SEMA6D: variants seen among roughly 807,000 people sequenced by gnomAD.
SEMA6D encodes the protein semaphorin-6D.
A neutral mutation model predicts 106.6 loss-of-function variants in SEMA6D; 35 were observed. The ratio of observed to expected loss-of-function variants is 0.33; its 90% CI spans 0.25 to 0.44. The LOEUF (loss-of-function observed/expected upper bound fraction) is 0.44, where lower values mean the gene tolerates loss of function less well. Ranked by LOEUF, SEMA6D falls within the 20% of genes least tolerant of loss-of-function variation. The probability of loss-of-function intolerance (pLI) is 1.00; values close to 1 mark genes in which losing one functional copy is unlikely to be tolerated. For synonymous variants in SEMA6D, 499 were observed against 487.7 expected (o/e 1.02, Z -0.31); for missense variants, 1,185 against 1,345.9 (o/e 0.88, Z 1.87).
At chr15:47,742,106 G>A (rs2080855904) in intron 1 of SEMA6D, among the ~76,000 whole-genome samples, 1 of 152,202 alleles carries the variant, frequency 6.6e-6, no homozygotes, top group South Asian at 2.1e-4. Context: ...CACTCGCAGA[G>A]GAACTGCAGC....
chr15:47,668,841 C>T (rs1350107593), intron 4 of SEMA6D, among the ~76,000 whole-genome samples: 1 of 152,154 alleles, frequency 6.6e-6, no homozygotes, highest in Non-Finnish European at 1.5e-5. Flanking sequence ...TGCGGCAGTA[C>T]CCATCTTCCA....
chr15:47,720,829 C>CTGAAATAGGGTCATTTTTCACCCTTT, intron 1 of SEMA6D, among the ~76,000 whole-genome samples: 1 of 152,282 alleles, frequency 6.6e-6, no homozygotes, highest in East Asian at 1.9e-4. Flanking sequence ...AAAAATGCAT[C>CTGAAATAGGGTCATTTTTCACCCTTT]TGAAATAGGG....
At chr15:47,355,896 T>C (rs1003926158) in intron 1 of SEMA6D, among the ~76,000 whole-genome samples, 1 of 152,212 alleles carries the variant, frequency 6.6e-6, no homozygotes, top group African/African-American at 2.4e-5. Flanking sequence ...TTTGTTGTTT[T>C]AAATTGCTCT....
chr15:47,399,612 A>G (rs2040331022), intron 1 of SEMA6D: 1 of 152,226 alleles, frequency 6.6e-6, no homozygotes, highest in Non-Finnish European at 1.5e-5. Flanking sequence ...TGCCATTGTC[A>G]GCCGAGAGGA....
At chr15:47,743,139 C>A (rs1258716061) in intron 1 of SEMA6D, among the ~76,000 whole-genome samples, 2 of 152,220 alleles carry the variant, frequency 1.3e-5, no homozygotes, top group African/African-American at 4.8e-5. Context: ...CTGCTAAGTC[C>A]TATATGTCCT....
chr15:47,760,379 T>C lies in SEMA6D; in HGVS notation c.185T>C (p.Met62Thr). The change falls in exon 3 of 19, where the codon ATG becomes ACG. Residue 62 changes from methionine (M) to threonine (T), a missense_variant. Around this residue, in one of 3 missense-constraint regions of SEMA6D, gnomAD observed 144 missense variants for 138.6 expected, o/e 1.04. Coordinates refer to ENST00000536845, the MANE Select transcript of SEMA6D (RefSeq NM_001358351.3). Reference protein sequence around the residue: ...ESQHRLDFQLMLKIRDTLYIA... With the variant: ...ESQHRLDFQLTLKIRDTLYIA... ...CAGCACAGGCTGGACTTTCAGCTGA[T>C]GTTGAAAATTCGAGACACACTTTAT... 1 of 1,613,626 alleles carries C rather than the reference T, an allele frequency of 6.2e-7. No homozygotes were observed. The highest frequency in any genetic ancestry group is 8.5e-7 in the Non-Finnish European group (1 of 1,179,638).
chr15:47,346,831 T>C (rs1290109216), intron 1 of SEMA6D, among the ~76,000 whole-genome samples: 1 of 152,188 alleles, frequency 6.6e-6, no homozygotes, highest in East Asian at 1.9e-4. Flanking sequence ...AGAGAACTGA[T>C]GACTGTATAA....
intron 1 of SEMA6D, among the ~76,000 whole-genome samples, chr15:47,740,295 C>T (rs2080727379): frequency 6.6e-6 from 1 of 152,022 alleles, no homozygotes; most frequent in Non-Finnish European, 1.5e-5. Flanking sequence ...CTGAGGTGGG[C>T]AGATCAGCAG....
intron 1 of SEMA6D, among the ~76,000 whole-genome samples, chr15:47,341,882 C>T (rs2037827821): frequency 6.6e-6 from 1 of 152,078 alleles, no homozygotes; most frequent in African/African-American, 2.4e-5. Context: ...CACCCCTTTC[C>T]CTCCTTTCAC....
intron 1 of SEMA6D, among the ~76,000 whole-genome samples, chr15:47,248,466 AC>A (rs2033324981): frequency 6.6e-6 from 1 of 152,194 alleles, no homozygotes; most frequent in Non-Finnish European, 1.5e-5. Context: ...CCCAGAAGGC[AC>A]CACTGTTTAT....
chr15:47,219,705 G>A (rs946868401), intron 1 of SEMA6D, among the ~76,000 whole-genome samples: 1 of 152,144 alleles, frequency 6.6e-6, no homozygotes, highest in South Asian at 2.1e-4. Context: ...TTATCAATTA[G>A]CTATTGCTAC....
intron 1 of SEMA6D, among the ~76,000 whole-genome samples, chr15:47,386,599 C>T (rs2039847282): frequency 6.6e-6 from 1 of 152,190 alleles, no homozygotes; most frequent in South Asian, 2.1e-4. Flanking sequence ...TGGCTGTTAG[C>T]AGAATCCATA....
At chr15:47,225,345 A>G (rs2031565768) in intron 1 of SEMA6D, among the ~76,000 whole-genome samples, 1 of 151,856 alleles carries the variant, frequency 6.6e-6, no homozygotes, top group Non-Finnish European at 1.5e-5. Flanking sequence ...GATTTTAGTC[A>G]TTCTAGTAAG....
intron 2 of SEMA6D, among the ~76,000 whole-genome samples, chr15:47,464,819 A>G (rs528962841): frequency 3.4e-4 from 51 of 152,124 alleles, no homozygotes; most frequent in Non-Finnish European, 7.1e-4. Context: ...TCAGAACACA[A>G]ATCAAAGTGA....
intron 1 of SEMA6D, among the ~76,000 whole-genome samples, chr15:47,373,936 C>T (rs1005446690): frequency 2.6e-5 from 4 of 152,124 alleles, no homozygotes; most frequent in African/African-American, 9.7e-5. Flanking sequence ...TGACCATGAG[C>T]AGGGGTCATG....
intron 1 of SEMA6D, among the ~76,000 whole-genome samples, chr15:47,742,665 A>G (rs1342895394): frequency 2.0e-5 from 3 of 152,204 alleles, no homozygotes; most frequent in Non-Finnish European, 4.4e-5. Context: ...TGCATATGAC[A>G]TGAAAGAGGT....
chr15:47,581,341 T>A, intron 3 of SEMA6D: 1 of 493,714 alleles, frequency 2.0e-6, no homozygotes, highest in Non-Finnish European at 4.0e-6. Flanking sequence ...TGTCACCTTA[T>A]GGCAGAACTA....
chr15:47,190,876 C>G (rs934639145), intron 1 of SEMA6D, among the ~76,000 whole-genome samples: 7 of 152,152 alleles, frequency 4.6e-5, no homozygotes, highest in Admixed American at 6.5e-5. Flanking sequence ...TGGGTTTAAA[C>G]TTGACATCCT....
rs747651190 is a variant in SEMA6D at position 47,767,074 on chromosome 15, A to G, written c.1746A>G (p.Ile582Met). The change falls in exon 17 of 19, where the codon ATA becomes ATG. Residue 582 changes from isoleucine (I) to methionine (M), a missense_variant. Ile to Met is a conservative substitution (Grantham distance 10). Transcript: ENST00000536845. ...LPTSTTPDYK[I>M]FGGPTSDMEV... Reference sequence around the variant, plus strand: ...CTTCAACTACACCAGATTACAAAATATTTGGCGGTCCAACATCTGGTTAGT... The same window carrying G: ...CTTCAACTACACCAGATTACAAAATGTTTGGCGGTCCAACATCTGGTTAGT... The G allele has an allele frequency of 3.8e-6, 6 of 1,574,340 alleles. No individual in the cohort carries two copies. Among genetic ancestry groups the G allele is most frequent in the African/African-American group, 1.4e-5 (1 of 73,014 alleles).
Sources: allele counts gnomAD v4.1 joint callset (sites outside exome capture counted in the v4.1 genomes callset), GRCh38; gene constraint gnomAD v4.1.1; regional missense constraint gnomAD v4.1.1; transcripts MANE v1.5; gene names NCBI Gene and HGNC (gene_info 2026-07-23, HGNC 2026-07-21).